GRAMD2B: variants seen among roughly 807,000 people sequenced by gnomAD.
GRAMD2B encodes GRAM domain containing 2B, also known as GRAM domain-containing protein 2B.
Under a neutral mutation model 59.2 loss-of-function variants are expected in GRAMD2B, and 41 were observed. That is an observed-to-expected ratio of 0.69 (90% CI 0.54 to 0.90). The LOEUF (loss-of-function observed/expected upper bound fraction) is 0.90, where lower values mean the gene tolerates loss of function less well. Among genes scored for constraint, GRAMD2B ranks in the 40% least tolerant of loss-of-function variants. The probability of loss-of-function intolerance (pLI) is 0.00; values close to 1 mark genes in which losing one functional copy is unlikely to be tolerated. For missense variants in GRAMD2B, 424 were observed against 500.5 expected (o/e 0.85, Z 1.46); for synonymous variants, 161 against 182.7 (o/e 0.88, Z 0.96).
chr5:126,403,327 C>A (rs931191290), intron 1 of GRAMD2B, among the ~76,000 whole-genome samples: 4 of 151,916 alleles, frequency 2.6e-5, no homozygotes, highest in African/African-American at 9.7e-5. Flanking sequence ...TATGAGCAAA[C>A]CTAGGAATCT....
chr5:126,361,493 A>AG (rs1263822269), intron 1 of GRAMD2B, among the ~76,000 whole-genome samples: 1 of 151,080 alleles, frequency 6.6e-6, no homozygotes, highest in Non-Finnish European at 1.5e-5. Flanking sequence ...AAATGGTAAA[A>AG]AAAAAAAAAA....
At chr5:126,478,326 T>C (rs1007153759) in intron 6 of GRAMD2B, among the ~76,000 whole-genome samples, 7 of 151,832 alleles carry the variant, frequency 4.6e-5, no homozygotes, top group African/African-American at 1.7e-4. Flanking sequence ...TGATCCCAGC[T>C]ACTTGGGAAG....
intron 2 of GRAMD2B, chr5:126,466,483 T>C (rs1768442519): frequency 6.3e-6 from 4 of 634,452 alleles, no homozygotes; most frequent in South Asian, 3.9e-5. Flanking sequence ...TGGAGTGCAG[T>C]GGCACATTCT....
chr5:126,433,494 A>C (rs1401187031), intron 1 of GRAMD2B: 1 of 152,252 alleles, frequency 6.6e-6, no homozygotes, highest in African/African-American at 2.4e-5. Context: ...CATAAAAGGA[A>C]GATTTATTTC....
upstream of GRAMD2B, among the ~76,000 whole-genome samples, chr5:126,419,701 G>GTTAT (rs1759556416): frequency 1.3e-5 from 2 of 152,184 alleles, no homozygotes; most frequent in African/African-American, 4.8e-5. Context: ...CACCAAAGGT[G>GTTAT]TTATGTCTGG....
At chr5:126,375,947 T>C (rs1427196289) in intron 1 of GRAMD2B, among the ~76,000 whole-genome samples, 1 of 152,208 alleles carries the variant, frequency 6.6e-6, no homozygotes, top group Non-Finnish European at 1.5e-5. Flanking sequence ...TACCTCAAAA[T>C]TCAAAATTTG....
intron 1 of GRAMD2B, among the ~76,000 whole-genome samples, chr5:126,374,251 C>T (rs1315665683): frequency 2.0e-5 from 3 of 152,046 alleles, no homozygotes; most frequent in Non-Finnish European, 2.9e-5. Flanking sequence ...ATTTTTTTAC[C>T]TTTTTCAATC....
chr5:126,377,023 G>T (rs183643780), intron 1 of GRAMD2B, among the ~76,000 whole-genome samples: 1 of 151,306 alleles, frequency 6.6e-6, no homozygotes, highest in Non-Finnish European at 1.5e-5. Context: ...AATAAAACTC[G>T]CCAGCAGTGT....
Position 126,445,819 on chromosome 5 carries a change from A to G in GRAMD2B, c.84-19607A>G, listed in dbSNP as rs574233909. On this transcript the variant is annotated intron_variant, in intron 1 of 13. Transcript: ENST00000285689. ...TGGGAATCTCTCTTCTTCAGCTTCAAGAGAGCCGAATCTGACTCAGGTGTT... is the reference window on the plus strand; with the variant it reads ...TGGGAATCTCTCTTCTTCAGCTTCAGGAGAGCCGAATCTGACTCAGGTGTT... Among the ~76,000 whole-genome samples the G allele has an allele frequency of 2.6e-5, 4 of 152,312 alleles. No homozygotes were observed. The South Asian group carries it at 8.3e-4, about 32-fold the overall frequency.
intron 2 of GRAMD2B, among the ~76,000 whole-genome samples, chr5:126,468,161 T>C (rs1000324481): frequency 6.6e-6 from 1 of 152,234 alleles, no homozygotes; most frequent in Non-Finnish European, 1.5e-5. Context: ...ATCTATGCAT[T>C]CTACTTTGAA....
At chr5:126,415,174 G>C (rs1759159308) in intron 1 of GRAMD2B, among the ~76,000 whole-genome samples, 1 of 152,148 alleles carries the variant, frequency 6.6e-6, no homozygotes, top group African/African-American at 2.4e-5. Flanking sequence ...GATGCAGGGG[G>C]TGGACAATTG....
intron 1 of GRAMD2B, among the ~76,000 whole-genome samples, chr5:126,400,883 C>G (rs967223344): frequency 2.0e-5 from 3 of 152,090 alleles, no homozygotes; most frequent in Non-Finnish European, 4.4e-5. Flanking sequence ...AACACTCTGT[C>G]ATTGACTTTT....
chr5:126,491,013 T>C (rs1352372597), intron 13 of GRAMD2B, among the ~76,000 whole-genome samples: 1 of 152,210 alleles, frequency 6.6e-6, no homozygotes, highest in Non-Finnish European at 1.5e-5. Flanking sequence ...GCCTTCCCAC[T>C]ACCAGTCAGA....
At chr5:126,486,398 A>G (rs1220359056) in intron 11 of GRAMD2B, among the ~76,000 whole-genome samples, 3 of 152,208 alleles carry the variant, frequency 2.0e-5, no homozygotes, top group African/African-American at 7.2e-5. Context: ...GTAGGCATAG[A>G]CTTTTTTAAC....
chr5:126,361,669 C>T (rs988934148), intron 1 of GRAMD2B, among the ~76,000 whole-genome samples: 4 of 152,078 alleles, frequency 2.6e-5, no homozygotes, highest in Admixed American at 1.3e-4. Flanking sequence ...GATAAACTGC[C>T]CAGGGCTCTG....
At chr5:126,431,153 C>T (rs956903424) in intron 1 of GRAMD2B, among the ~76,000 whole-genome samples, 3 of 151,958 alleles carry the variant, frequency 2.0e-5, no homozygotes, top group Non-Finnish European at 4.4e-5. Context: ...ATTTTAAGGC[C>T]GGAATCAAGT....
chr5:126,419,051 C>T (rs1759489697), upstream of GRAMD2B, among the ~76,000 whole-genome samples: 1 of 152,150 alleles, frequency 6.6e-6, no homozygotes, highest in South Asian at 2.1e-4. Context: ...CTTACCTATA[C>T]TTATATTGGT....
intron 1 of GRAMD2B, among the ~76,000 whole-genome samples, chr5:126,409,563 A>T (rs1163630458): frequency 2.0e-5 from 3 of 151,784 alleles, no homozygotes; most frequent in Non-Finnish European, 2.9e-5. Flanking sequence ...AATTTGTTTG[A>T]GTTCATTGTA....
In GRAMD2B at chr5:126,392,907, C is replaced by G. The variant is rs984670991; in HGVS notation, c.125+21340C>G. On this transcript the variant is annotated intron_variant, in intron 1 of 8. Coordinates refer to the GRAMD2B transcript ENST00000506445. ...ATCTGACAGGAAGCAGGTTGAGGAC[C>G]CCTGAATTAGAATCTATTTGAAAAA... is the stretch of plus-strand genomic sequence containing the variant. Among the ~76,000 whole-genome samples, 3 of 152,092 alleles carry G rather than the reference C, an allele frequency of 2.0e-5. No individual in the cohort carries two copies. The East Asian group carries it at 5.8e-4, about 29-fold the overall frequency.
Sources: allele counts gnomAD v4.1 joint callset (sites outside exome capture counted in the v4.1 genomes callset), GRCh38; gene constraint gnomAD v4.1.1; transcripts MANE v1.5; gene names NCBI Gene and HGNC (gene_info 2026-07-23, HGNC 2026-07-21).